TMPRSS4: variants seen among roughly 807,000 people sequenced by gnomAD.
TMPRSS4 encodes the protein transmembrane serine protease 4.
Under a neutral mutation model 56.4 loss-of-function variants are expected in TMPRSS4, and 45 were observed. The ratio of observed to expected loss-of-function variants is 0.80; its 90% confidence interval spans 0.63 to 1.02. The LOEUF (loss-of-function observed/expected upper bound fraction) is 1.02. TMPRSS4 is among the 50% of genes least tolerant of loss of function. The pLI is 0.00. For synonymous variants in TMPRSS4, 205 were observed against 211.0 expected (o/e 0.97, Z 0.25); for missense variants, 546 against 556.7 (o/e 0.98, Z 0.19).
chr11:118,095,948 A>G (rs1182326218), intron 2 of TMPRSS4, among the ~76,000 whole-genome samples: 1 of 152,170 alleles, frequency 6.6e-6, no homozygotes, highest in Non-Finnish European at 1.5e-5. Flanking sequence ...AACTTAAACT[A>G]GGTATGAAAG....
At position 118,099,018 on chromosome 11, in the gene TMPRSS4, T is replaced by C. The variant is rs1441352576; in HGVS notation, c.77T>C (p.Met26Thr). The change falls in exon 3 of 13, where the codon ATG (methionine) becomes ACG (threonine). Residue 26 changes from methionine (M) to threonine (T), a missense_variant. Met to Thr is a moderately conservative substitution (Grantham distance 81). Transcript: ENST00000437212. ...CCCCTGCGCAAACCCCGTATCCCCA[T>C]GGAGACCTTCAGAAAGGTGGGGATC... is the stretch of plus-strand genomic sequence containing the variant. The part of the protein sequence containing the change: ...VKPLRKPRIP[M>T]ETFRKVGIPI... 1.2e-6 allele frequency: 2 copies of C among 1,613,966 alleles called. No homozygotes were observed. Among genetic ancestry groups the C allele is most frequent in the Non-Finnish European group, 1.7e-6 (2 of 1,179,926 alleles).
intron 1 of TMPRSS4, among the ~76,000 whole-genome samples, 184 bp from the exon 2 acceptor site, chr11:118,094,632 G>T (rs1946185153): frequency 6.6e-6 from 1 of 152,164 alleles, no homozygotes; most frequent in Non-Finnish European, 1.5e-5. Context: ...TAAACTAATT[G>T]AAACAGATCA....
intron 1 of TMPRSS4, among the ~76,000 whole-genome samples, chr11:118,091,851 C>T (rs1287121522): frequency 2.6e-5 from 4 of 152,102 alleles, no homozygotes; most frequent in Admixed American, 6.5e-5. Flanking sequence ...AATGCAGAGT[C>T]GTCCGATTGG....
chr11:118,102,232 T>C (rs1240498653), intron 3 of TMPRSS4, among the ~76,000 whole-genome samples: 1 of 152,128 alleles, frequency 6.6e-6, no homozygotes, highest in Non-Finnish European at 1.5e-5. Flanking sequence ...CATTTAACAG[T>C]TCTTTCACCC....
At chr11:118,085,425 A>C (rs1256578581) in intron 1 of TMPRSS4, among the ~76,000 whole-genome samples, 1 of 151,826 alleles carries the variant, frequency 6.6e-6, no homozygotes, top group Non-Finnish European at 1.5e-5. Context: ...GGGTTTCACT[A>C]TGTTGGCCAG....
intron 1 of TMPRSS4, among the ~76,000 whole-genome samples, chr11:118,078,170 C>T (rs1461622152): frequency 6.6e-6 from 1 of 152,088 alleles, no homozygotes; most frequent in Non-Finnish European, 1.5e-5. Flanking sequence ...CCTGGAGCGT[C>T]TTCGCTGTCT....
In TMPRSS4 at chr11:118,091,177, T is replaced by C. The variant is rs575412770; in HGVS notation, c.4-3639T>C. On this transcript the variant is annotated intron_variant, in intron 1 of 12. Coordinates refer to ENST00000437212, the MANE Select transcript of TMPRSS4 (RefSeq NM_019894.4). The stretch of plus-strand genomic sequence containing the variant: ...CTAAAACCCAAGCACACCCAATCCA[T>C]CGGCGAGGCCTATTGTTTGTATCTT... 2.0e-5 allele frequency among the ~76,000 whole-genome samples: 3 copies of C among 152,220 alleles called. No individual in the cohort carries two copies. In the South Asian group the frequency reaches 6.2e-4, roughly 32 times the overall value.
intron 4 of TMPRSS4, 142 bp downstream of exon 4, chr11:118,103,395 G>GTTTGT (rs1565430416): frequency 9.3e-4 from 121 of 130,266 alleles, no homozygotes; most frequent in Non-Finnish European, 1.9e-3. Context: ...TTTGTTTGTT[G>GTTTGT]TTGTTTTGAG....
At chr11:118,086,386 C>G (rs1333160041) in intron 1 of TMPRSS4, among the ~76,000 whole-genome samples, 2 of 152,210 alleles carry the variant, frequency 1.3e-5, no homozygotes, top group Non-Finnish European at 2.9e-5. Flanking sequence ...TAGGTCAGCA[C>G]CTATGTGGTT....
At chr11:118,081,451 A>G (rs1682672794) in intron 1 of TMPRSS4, among the ~76,000 whole-genome samples, 1 of 152,250 alleles carries the variant, frequency 6.6e-6, no homozygotes. Context: ...AACAAGATGG[A>G]AAACCGCAAC....
chr11:118,111,016 G>T (rs1565437168), intron 7 of TMPRSS4, among the ~76,000 whole-genome samples: 1 of 152,260 alleles, frequency 6.6e-6, no homozygotes. Context: ...GAAGGGCTTT[G>T]CAGGAGCGGG....
chr11:118,096,864 A>G lies in TMPRSS4; in HGVS notation c.43+2009A>G, dbSNP rs566991792. On this transcript the variant is annotated intron_variant, in intron 2 of 12. Coordinates refer to ENST00000437212, the MANE Select transcript of TMPRSS4 (RefSeq NM_019894.4). ...GAAAGAAGGAAAGAAAGAAAGAAAG[A>G]AAGAAAGAAAGAAAGAAAGAAAGAA... Among the ~76,000 whole-genome samples, 396 of 40,824 alleles carry G rather than the reference A, an allele frequency of 9.7e-3. 41 individuals carry two copies. Among genetic ancestry groups the G allele is most frequent in the African/African-American group, 0.037 (377 of 10,118 alleles). 26.8% of individuals were successfully genotyped at this position (40,824 alleles called of 152,430 possible).
chr11:118,103,719 C>T (rs569841150), intron 4 of TMPRSS4, among the ~76,000 whole-genome samples: 1 of 152,262 alleles, frequency 6.6e-6, no homozygotes, highest in South Asian at 2.1e-4. Flanking sequence ...GTCTTGTCTA[C>T]CTTTAAATCC....
At chr11:118,122,297 C>T (rs1947812335), downstream of TMPRSS4, among the ~76,000 whole-genome samples, 1 of 152,108 alleles carries the variant, frequency 6.6e-6, no homozygotes, top group East Asian at 1.9e-4. Context: ...ACACAAAACA[C>T]CAGGTTACAG....
Position 118,119,266 on chromosome 11 carries a change from C to A in TMPRSS4, c.*1353C>A, listed in dbSNP as rs1203804369. ...TATGAAGGCTGGCAGTGGAGCTAAA[C>A]CTGGACACACTGAAGACAAGGGAGC... On this transcript the variant is annotated 3_prime_UTR_variant, in exon 13 of 13. Transcript: ENST00000437212. 2 of 985,224 alleles carry A rather than the reference C, an allele frequency of 2.0e-6. No homozygotes were observed. Among genetic ancestry groups the A allele is most frequent in the African/African-American group, 1.7e-5 (1 of 57,220 alleles). 61.0% of individuals were successfully genotyped at this position (985,224 alleles called of 1,614,324 possible).
At chr11:118,103,332 A>G (rs983025116) in intron 4 of TMPRSS4, 79 bp downstream of exon 4, 214 of 1,511,858 alleles carry the variant, frequency 1.4e-4, no homozygotes, top group Non-Finnish European at 1.8e-4. Flanking sequence ...ACTGCATAGT[A>G]TCTGCCCCCT....
At chr11:118,117,221 AT>A (rs1947609291) in intron 11 of TMPRSS4, 83 bp from the exon 12 acceptor site, 11 of 1,390,658 alleles carry the variant, frequency 7.9e-6, no homozygotes, top group Non-Finnish European at 1.1e-5. Context: ...AGGGGAACAG[AT>A]AGGCCAGTTC....
chr11:118,094,803 G>A lies in TMPRSS4; in HGVS notation c.4-13G>A, dbSNP rs753916847. On this transcript the variant is annotated splice_polypyrimidine_tract_variant and intron_variant, in intron 1 of 12. Coordinates refer to ENST00000437212, the MANE Select transcript of TMPRSS4 (RefSeq NM_019894.4). ...GGCTCCCTGCCTCAACTCACTGACT[G>A]TTTTTCCTTCAATTACAGGATCCTG... The A allele has an allele frequency of 1.2e-6, 2 of 1,610,134 alleles. No individual in the cohort carries two copies. Among genetic ancestry groups the A allele is most frequent in the South Asian group, 1.1e-5 (1 of 89,934 alleles).
At chr11:118,109,472 G>A (rs559065018) in intron 7 of TMPRSS4, among the ~76,000 whole-genome samples, 1 of 152,344 alleles carries the variant, frequency 6.6e-6, no homozygotes, top group East Asian at 1.9e-4. Context: ...TTGACATGCT[G>A]CAGAGAGAGC....
Sources: gnomAD v4.1 joint callset for allele counts (sites outside exome capture counted in the v4.1 genomes callset) on GRCh38, gnomAD v4.1.1 for gene constraint, MANE v1.5 for transcripts, NCBI Gene and HGNC (gene_info 2026-07-23, HGNC 2026-07-21) for gene names.